Variants in PSG3 observed in about 807,000 individuals in gnomAD.
PSG3 encodes pregnancy-specific beta-1-glycoprotein 3.
In PSG3, 61 loss-of-function variants were observed where a neutral mutation model predicts 47.5. That is an observed-to-expected ratio of 1.28 (90% CI 1.05 to 1.59). PSG3 has a LOEUF of 1.59. PSG3 is among the 40% of genes most tolerant of loss of function. The probability of loss-of-function intolerance (pLI) is 0.00; values close to 1 mark genes in which losing one functional copy is unlikely to be tolerated. For missense variants in PSG3, 756 were observed against 524.0 expected (o/e 1.44, Z -4.32); for synonymous variants, 263 against 198.4 (o/e 1.33, Z -2.74).
chr19:42,734,551 G>A (rs1969530302), intron 2 of PSG3, among the ~76,000 whole-genome samples: 1 of 152,198 alleles, frequency 6.6e-6, no homozygotes, highest in Non-Finnish European at 1.5e-5. Context: ...GTTTTCATAA[G>A]TGGAAATTTT....
In PSG3 at chr19:42,738,781, C is replaced by T. The variant is rs772068909; in HGVS notation, c.373G>A (p.Val125Ile). The T allele has an allele frequency of 3.6e-5, 58 of 1,614,006 alleles. No homozygotes were observed. The highest frequency in any genetic ancestry group is 3.3e-4 in the Middle Eastern group (2 of 6,060). ...EDAGSYTLHI[V>I]KRGDGTRGET... ...CCTCTAGTCCCATCACCTCGCTTTA[C>T]GATGTGTAAGGTGTAGGATCCTGCG... Residue 125 changes from valine (V) to isoleucine (I), a missense_variant, in exon 2 of 7, where the codon GTA becomes ATA. Val to Ile is a conservative substitution (Grantham distance 29). Coordinates refer to ENST00000327495, the MANE Select transcript of PSG3 (RefSeq NM_021016.4).
chr19:42,728,362 T>C (rs913084894), intron 5 of PSG3, among the ~76,000 whole-genome samples: 1 of 152,286 alleles, frequency 6.6e-6, no homozygotes, highest in Admixed American at 6.5e-5. Context: ...TCTCCCTATT[T>C]CTCCAGCTCT....
In PSG3 at chr19:42,732,856, C is replaced by T. The variant is rs759215177; in HGVS notation, c.637G>A (p.Gly213Arg). ...TTCCGTATTTCACATTCATAGGGTC[C>T]TGCAGTGTACTTTGTGACACCAAAT... The part of the protein sequence containing the change: ...FLFGVTKYTA[G>R]PYECEIRNPV... Residue 213 changes from glycine (G) to arginine (R), a missense_variant, in exon 3 of 7, where the codon GGA becomes AGA. Transcript: ENST00000327495. 9 of 1,614,036 alleles carry T rather than the reference C, an allele frequency of 5.6e-6. No individual in the cohort carries two copies. The highest frequency in any genetic ancestry group is 6.8e-6 in the Non-Finnish European group (8 of 1,180,014).
intron 2 of PSG3, among the ~76,000 whole-genome samples, chr19:42,735,690 CT>C (rs1327525454): frequency 1.3e-5 from 2 of 152,208 alleles, no homozygotes; most frequent in Non-Finnish European, 2.9e-5. Context: ...GAGTTGTTGA[CT>C]TTTGAGTTTG....
intron 2 of PSG3, among the ~76,000 whole-genome samples, chr19:42,737,558 G>A (rs1248009470): frequency 1.3e-5 from 2 of 152,242 alleles, no homozygotes; most frequent in East Asian, 1.9e-4. Context: ...TGACTCTGAC[G>A]GTTGAGGTAG....
chr19:42,737,086 A>G (rs1038399111), intron 2 of PSG3, among the ~76,000 whole-genome samples: 5 of 152,226 alleles, frequency 3.3e-5, no homozygotes, highest in Admixed American at 2.0e-4. Flanking sequence ...TGAGGGCTAC[A>G]CTGACTTCAG....
chr19:42,739,988 T>C (rs1444030115), intron 1 of PSG3, among the ~76,000 whole-genome samples: 5 of 151,814 alleles, frequency 3.3e-5, no homozygotes, highest in African/African-American at 7.3e-5. Context: ...AGTCTTGTAC[T>C]GTCGCCCAGG....
At chr19:42,737,082 C>T (rs183665165) in intron 2 of PSG3, among the ~76,000 whole-genome samples, 1 of 151,940 alleles carries the variant, frequency 6.6e-6, no homozygotes, top group African/African-American at 2.4e-5. Flanking sequence ...GCAGTGAGGG[C>T]TACACTGACT....
At chr19:42,738,690 C>G in intron 2 of PSG3, 34 bp downstream of exon 2, 1 of 1,612,444 alleles carries the variant, frequency 6.2e-7, no homozygotes, top group South Asian at 1.1e-5. Flanking sequence ...AGACCCCATC[C>G]CCCAACACCC....
At chr19:42,737,186 A>G (rs1471977766) in intron 2 of PSG3, among the ~76,000 whole-genome samples, 2 of 152,088 alleles carry the variant, frequency 1.3e-5, no homozygotes, top group African/African-American at 2.4e-5. Flanking sequence ...TCAGAGTTAC[A>G]TGAGGTGGGG....
chr19:42,729,827 C>T lies in PSG3; in HGVS notation c.939G>A (p.Gln313=), dbSNP rs772429366. The change falls in exon 4 of 7, where the codon CAG becomes CAA. Residue 313 remains glutamine (Q), a synonymous_variant. Coordinates refer to ENST00000327495, the MANE Select transcript of PSG3 (RefSeq NM_021016.4). ...NETGPYQCEI[Q]DRYGGIRSYP... ...AACTGCGGATGCCACCATATCGGTC[C>T]TGTATTTCACATTGATAGGGTCCTG... 21 of 1,613,554 alleles carry T rather than the reference C, an allele frequency of 1.3e-5. No individual in the cohort carries two copies. Among genetic ancestry groups the T allele is most frequent in the Non-Finnish European group, 1.8e-5 (21 of 1,179,868 alleles).
chr19:42,732,613 G>A, intron 3 of PSG3, 171 bp downstream of exon 3: 1 of 1,469,428 alleles, frequency 6.8e-7, no homozygotes, highest in Non-Finnish European at 9.3e-7. Flanking sequence ...TCCTATTGTT[G>A]ATCAAGCCTA....
intron 5 of PSG3, among the ~76,000 whole-genome samples, chr19:42,728,453 A>G (rs1020196938): frequency 5.3e-5 from 8 of 152,304 alleles, no homozygotes; most frequent in South Asian, 2.1e-4. Flanking sequence ...GAGCCAGGAC[A>G]CAGCTCAGGA....
In PSG3 at chr19:42,726,798, T is replaced by C. The variant is rs1969384938; in HGVS notation, c.1243+2325A>G. On this transcript the variant is annotated intron_variant, in intron 5 of 6. Coordinates refer to ENST00000327495, the MANE Select transcript of PSG3 (RefSeq NM_021016.4). ...AAAAAAAAATCTGTCCTAAAATTTA[T>C]ATTGCATCTCATGACTCTAAATAGA... is the stretch of plus-strand genomic sequence containing the variant. Among the ~76,000 whole-genome samples the C allele has an allele frequency of 2.6e-5, 4 of 152,198 alleles. No homozygotes were observed. In the South Asian group the frequency reaches 8.3e-4, roughly 32 times the overall value.
At chr19:42,725,890 C>CAAAAAAA (rs200684147) in intron 5 of PSG3, among the ~76,000 whole-genome samples, 923 of 66,402 alleles carry the variant, frequency 0.014, 6 homozygotes, top group African/African-American at 0.02. Flanking sequence ...CAACAACAAC[C>CAAAAAAA]AAAAAAAAAA....
chr19:42,723,892 C>T (rs950337389), intron 6 of PSG3, 50 bp downstream of exon 6: 7 of 1,416,180 alleles, frequency 4.9e-6, no homozygotes, highest in Non-Finnish European at 7.0e-6. Flanking sequence ...CTCTCCCAAG[C>T]ATGGCAGTTA....
chr19:42,739,114 C>G (rs12185499), intron 1 of PSG3, 25 bp from the exon 2 acceptor site: 1 of 1,578,178 alleles, frequency 6.3e-7, no homozygotes, highest in Non-Finnish European at 8.6e-7. Flanking sequence ...GAGCATCAGT[C>G]AATATTGAGA....
intron 3 of PSG3, 128 bp from the exon 4 acceptor site, chr19:42,730,184 C>T (rs540711679): frequency 2.3e-5 from 34 of 1,492,686 alleles, no homozygotes; most frequent in Middle Eastern, 2.5e-4. Flanking sequence ...ATAGCTGGTG[C>T]GTGTGTCACA....
rs1197456160 is a variant in PSG3 at position 42,733,147 on chromosome 19, C to A, written c.431-85G>T. On this transcript the variant is annotated intron_variant, in intron 2 of 6. Transcript: ENST00000327495. ...TTTTTCAATCAGAGTTGGCATTTCC[C>A]ACCTCTCAGCCCACCCAAGTCCTTA... The A allele has an allele frequency of 3.2e-6, 5 of 1,546,624 alleles. No homozygotes were observed. In the East Asian group the frequency reaches 9.0e-5, roughly 28 times the overall value.
Sources: gnomAD v4.1 joint callset for allele counts (sites outside exome capture counted in the v4.1 genomes callset) on GRCh38, gnomAD v4.1.1 for gene constraint, MANE v1.5 for transcripts, NCBI Gene and HGNC (gene_info 2026-07-23, HGNC 2026-07-21) for gene names.